The following CORO1C variants were observed in gnomAD, a reference collection of about 807,000 sequenced individuals.
CORO1C encodes coronin-1C.
A neutral mutation model predicts 51.2 loss-of-function variants in CORO1C; 14 were observed. The ratio of observed to expected loss-of-function variants is 0.27; its 90% CI spans 0.18 to 0.43. The LOEUF is 0.43. Ranked by LOEUF, CORO1C falls within the 20% of genes least tolerant of loss-of-function variation. The probability of loss-of-function intolerance (pLI) is 1.00; values close to 1 mark genes in which losing one functional copy is unlikely to be tolerated. For missense variants in CORO1C, 417 were observed against 607.8 expected, an observed-to-expected ratio of 0.69 and a Z score of 3.30; for synonymous variants, 181 against 210.5, an observed-to-expected ratio of 0.86 and a Z score of 1.21.
At chr12:108,719,160 T>C (rs1300330387) in intron 1 of CORO1C, among the ~76,000 whole-genome samples, 80 of 152,202 alleles carry the variant, frequency 5.3e-4, no homozygotes, top group Non-Finnish European at 1.5e-5. Context: ...GCTAAATTAA[T>C]TGGACATCAC....
At chr12:108,655,552 G>A (rs1334915297) in intron 6 of CORO1C, among the ~76,000 whole-genome samples, 1 of 152,192 alleles carries the variant, frequency 6.6e-6, no homozygotes, top group South Asian at 2.1e-4. Context: ...ACTGGTTTTC[G>A]TATTTTTTTG....
At chr12:108,707,739 T>C (rs2035067025) in intron 1 of CORO1C, among the ~76,000 whole-genome samples, 1 of 152,188 alleles carries the variant, frequency 6.6e-6, no homozygotes, top group South Asian at 2.1e-4. Flanking sequence ...TTATATCTGA[T>C]AAGACACTTG....
chr12:108,717,694 T>C (rs2035372444), intron 1 of CORO1C, among the ~76,000 whole-genome samples: 1 of 152,212 alleles, frequency 6.6e-6, no homozygotes, highest in Non-Finnish European at 1.5e-5. Flanking sequence ...ACCTTCTCTT[T>C]GGTGTGGAGA....
At chr12:108,665,608 C>G (rs1415348395) in intron 3 of CORO1C, among the ~76,000 whole-genome samples, 1 of 152,210 alleles carries the variant, frequency 6.6e-6, no homozygotes, top group Admixed American at 6.5e-5. Flanking sequence ...GGTTCAAATC[C>G]TGCCTGGGCC....
At chr12:108,688,923 G>A (rs781737744) in intron 2 of CORO1C, among the ~76,000 whole-genome samples, 2 of 152,102 alleles carry the variant, frequency 1.3e-5, no homozygotes, top group Non-Finnish European at 2.9e-5. Context: ...CCGGCTACTC[G>A]GGAGGGCTGA....
At chr12:108,651,205 T>C (rs544433001) in intron 8 of CORO1C, among the ~76,000 whole-genome samples, 1 of 152,370 alleles carries the variant, frequency 6.6e-6, no homozygotes, top group Non-Finnish European at 1.5e-5. Context: ...TATCAATTCT[T>C]TAATTGTGAG....
intron 1 of CORO1C, among the ~76,000 whole-genome samples, chr12:108,713,154 A>G (rs2035230922): frequency 6.6e-6 from 1 of 152,234 alleles, no homozygotes; most frequent in African/African-American, 2.4e-5. Flanking sequence ...ACCACATGCA[A>G]CATTTGCTAT....
intron 2 of CORO1C, among the ~76,000 whole-genome samples, chr12:108,699,847 A>G (rs2034808654): frequency 6.6e-6 from 1 of 152,230 alleles, no homozygotes; most frequent in Non-Finnish European, 1.5e-5. Flanking sequence ...GAAAACACGT[A>G]TCAAATTTGT....
intron 1 of CORO1C, among the ~76,000 whole-genome samples, chr12:108,709,939 G>A (rs1459783212): frequency 6.6e-6 from 1 of 152,168 alleles, no homozygotes; most frequent in African/African-American, 2.4e-5. Context: ...AGAGGAAGAC[G>A]ATGTAGCAGT....
intron 2 of CORO1C, among the ~76,000 whole-genome samples, chr12:108,688,352 C>A (rs2034373643): frequency 6.6e-6 from 1 of 152,168 alleles, no homozygotes. Flanking sequence ...CAGAAAATTT[C>A]TGACAGACAC....
At chr12:108,722,929 C>A (rs2035507119) in intron 1 of CORO1C, among the ~76,000 whole-genome samples, 1 of 152,174 alleles carries the variant, frequency 6.6e-6, no homozygotes, top group Non-Finnish European at 1.5e-5. Context: ...AGAAGACTTC[C>A]AACTTATCTT....
intron 2 of CORO1C, among the ~76,000 whole-genome samples, chr12:108,680,604 T>G (rs762978564): frequency 1.1e-4 from 16 of 152,188 alleles, no homozygotes; most frequent in Non-Finnish European, 2.1e-4. Flanking sequence ...TCCTCATCTA[T>G]AAAACTAGAA....
chr12:108,691,870 G>A (rs908568463), intron 2 of CORO1C, among the ~76,000 whole-genome samples: 7 of 152,148 alleles, frequency 4.6e-5, no homozygotes, highest in East Asian at 1.9e-4. Context: ...CATCTGCCAG[G>A]GCACACATTC....
intron 2 of CORO1C, among the ~76,000 whole-genome samples, chr12:108,685,107 A>C (rs916987839): frequency 2.6e-5 from 4 of 152,232 alleles, no homozygotes; most frequent in Non-Finnish European, 5.9e-5. Flanking sequence ...AAGTACTAGC[A>C]CTAGTTGTTC....
At chr12:108,704,564 T>TC (rs1268220953) in intron 1 of CORO1C, among the ~76,000 whole-genome samples, 1 of 152,188 alleles carries the variant, frequency 6.6e-6, no homozygotes, top group Non-Finnish European at 1.5e-5. Flanking sequence ...TTTGCTACAA[T>TC]CACAGAGTAG....
intron 10 of CORO1C, 109 bp from the exon 11 acceptor site, chr12:108,647,631 G>T: frequency 1.4e-6 from 1 of 721,996 alleles, no homozygotes; most frequent in Non-Finnish European, 2.2e-6. Context: ...CAAACGGCAA[G>T]CCATAGTCAC....
chr12:108,693,399 A>C (rs1365881193), intron 2 of CORO1C, among the ~76,000 whole-genome samples: 10 of 152,200 alleles, frequency 6.6e-5, no homozygotes, highest in Admixed American at 3.9e-4. Flanking sequence ...GACAGAAGTC[A>C]CTGCTTTTTC....
intron 2 of CORO1C, among the ~76,000 whole-genome samples, chr12:108,694,937 C>A (rs1165094247): frequency 6.6e-6 from 1 of 152,176 alleles, no homozygotes; most frequent in Non-Finnish European, 1.5e-5. Context: ...TATTAGTTAT[C>A]AACTGCTGAT....
chr12:108,690,082 G>A (rs964527551), intron 2 of CORO1C, among the ~76,000 whole-genome samples: 17 of 152,240 alleles, frequency 1.1e-4, no homozygotes, highest in Admixed American at 8.5e-4. Context: ...TGCTCCACGG[G>A]GAGGAGCTAG....
Sources: allele counts gnomAD v4.1 joint callset (sites outside exome capture counted in the v4.1 genomes callset), GRCh38; gene constraint gnomAD v4.1.1; transcripts MANE v1.5; gene names NCBI Gene and HGNC (gene_info 2026-07-23, HGNC 2026-07-21).